The following CSPG5 variants were observed in gnomAD, a reference collection of about 807,000 sequenced individuals.
The protein encoded by CSPG5 is chondroitin sulfate proteoglycan 5.
CSPG5 carries 25 observed loss-of-function variants against 39.8 expected under a neutral mutation model. The ratio of observed to expected loss-of-function variants is 0.63; its 90% CI spans 0.46 to 0.88. The LOEUF is 0.88. CSPG5 is among the 40% of genes least tolerant of loss of function. The pLI is 0.00. For missense variants in CSPG5, 627 were observed against 702.2 expected (o/e 0.89, Z 1.21); for synonymous variants, 295 against 303.9 (o/e 0.97, Z 0.31).
chr3:47,575,521 C>T (rs181392556), intron 2 of CSPG5, among the ~76,000 whole-genome samples: 1 of 152,222 alleles, frequency 6.6e-6, no homozygotes. Context: ...CAGACAATGC[C>T]CTTAGGAAAA....
chr3:47,571,374 C>A (rs1281344249), intron 3 of CSPG5, among the ~76,000 whole-genome samples: 2 of 152,234 alleles, frequency 1.3e-5, no homozygotes, highest in African/African-American at 4.8e-5. Flanking sequence ...TGCTTCTCCA[C>A]TGCCCTGGCT....
chr3:47,564,392 C>A (rs2031210077), intron 4 of CSPG5, among the ~76,000 whole-genome samples: 1 of 152,218 alleles, frequency 6.6e-6, no homozygotes, highest in Admixed American at 6.5e-5. Context: ...ATGGAAATCA[C>A]TGCCAGCTGC....
chr3:47,564,917 A>C (rs778440718), intron 4 of CSPG5, among the ~76,000 whole-genome samples: 1 of 152,122 alleles, frequency 6.6e-6, no homozygotes, highest in African/African-American at 2.4e-5. Flanking sequence ...GAGCTGAGCT[A>C]TAAGTATCTT....
chr3:47,568,965 C>A, intron 4 of CSPG5, 187 bp downstream of exon 4: 2 of 1,089,038 alleles, frequency 1.8e-6, no homozygotes, highest in South Asian at 2.0e-5. Context: ...TTGCCCTAGG[C>A]TGACCTCCAG....
rs926357418 is a variant in CSPG5 at position 47,572,633 on chromosome 3, G to A, written c.1382+53C>T. ...TCAGTTGGAGGGGTGCAGCAGCGTC[G>A]GGGGGCCTCCCACACCCTGACCTGG... On this transcript the variant is annotated intron_variant, in intron 3 of 4. Coordinates refer to ENST00000264723, the MANE Select transcript of CSPG5 (RefSeq NM_006574.4). This position sits in a 1 kb window ranked among gnomAD's most constrained non-coding sequence, Gnocchi z 4.5. 1.4e-5 allele frequency: 21 copies of A among 1,501,788 alleles called. No homozygotes were observed. Among genetic ancestry groups the A allele is most frequent in the African/African-American group, 4.1e-5 (3 of 72,758 alleles). 93.0% of individuals were successfully genotyped at this position (1,501,788 alleles called of 1,614,324 possible). A position where few individuals can be genotyped will look rare whatever the true frequency, so the allele number is the denominator to read the frequency against.
At chr3:47,576,189 G>A (rs36033865) in intron 2 of CSPG5, among the ~76,000 whole-genome samples, 87,349 of 151,566 alleles carry the variant, frequency 0.58, 26,444 homozygotes, top group Non-Finnish European at 0.68. Context: ...TGCCCACCTC[G>A]GCCTCCCAAA....
chr3:47,569,285 GA>G, intron 3 of CSPG5, 58 bp from the exon 4 acceptor site: 1 of 1,544,214 alleles, frequency 6.5e-7, no homozygotes, highest in Non-Finnish European at 8.9e-7. Context: ...GGCAAAACAT[GA>G]CAATGTCTCA....
In CSPG5 at chr3:47,577,809, C is replaced by T; in HGVS notation, c.217G>A (p.Ala73Thr). 1 of 1,578,110 alleles carries T rather than the reference C, an allele frequency of 6.3e-7. No homozygotes were observed. The highest frequency in any genetic ancestry group is 8.5e-7 in the Non-Finnish European group (1 of 1,171,350). Reference sequence around the variant, plus strand: ...TCGCCACCGGGCGCCGTCCACGACGCCTCATCTTCCCCAGCCGCTGGTGGG... The same window carrying T: ...TCGCCACCGGGCGCCGTCCACGACGTCTCATCTTCCCCAGCCGCTGGTGGG... ...AGPPAAGEDE[A>T]SWTAPGGELA... The change falls in exon 2 of 5, where the codon GCG (alanine) becomes ACG (threonine). Residue 73 changes from alanine (A) to threonine (T), a missense_variant. Transcript: ENST00000264723. The surrounding 1 kb of genome is among the most constrained non-coding windows in gnomAD (Gnocchi z 4.7).
intron 4 of CSPG5, among the ~76,000 whole-genome samples, chr3:47,565,714 G>T (rs1015698369): frequency 6.6e-6 from 1 of 151,938 alleles, no homozygotes; most frequent in African/African-American, 2.4e-5. Flanking sequence ...AACATCAATG[G>T]AGAAATCCTA....
intron 3 of CSPG5, among the ~76,000 whole-genome samples, chr3:47,569,736 T>G (rs371479712): frequency 2.9e-4 from 42 of 145,366 alleles, no homozygotes; most frequent in African/African-American, 9.9e-4. Flanking sequence ...TTTTAAAGGC[T>G]TTTCTATTCT....
intron 2 of CSPG5, among the ~76,000 whole-genome samples, chr3:47,575,753 A>T (rs1258098380): frequency 2.0e-5 from 3 of 151,944 alleles, no homozygotes; most frequent in Admixed American, 2.0e-4. Context: ...CCTTCCAGGG[A>T]ACTGGCCCCT....
chr3:47,564,467 A>ATT (rs1246551109), intron 4 of CSPG5, among the ~76,000 whole-genome samples: 1 of 152,168 alleles, frequency 6.6e-6, no homozygotes, highest in Non-Finnish European at 1.5e-5. Flanking sequence ...AATTTAGTAG[A>ATT]GTTTCAAAGA....
rs1470873247 is a variant in CSPG5, at chr3:47,577,766, T to G, written c.260A>C (p.Glu87Ala). 1 of 1,588,166 alleles carries G rather than the reference T, an allele frequency of 6.3e-7. No homozygotes were observed. Among genetic ancestry groups the G allele is most frequent in the African/African-American group, 1.3e-5 (1 of 74,294 alleles). The change falls in exon 2 of 5, where the codon GAG (glutamate) becomes GCG (alanine). Residue 87 changes from glutamate (E) to alanine (A), a missense_variant. Transcript: ENST00000264723. This position sits in a 1 kb window ranked among gnomAD's most constrained non-coding sequence, Gnocchi z 4.7. ...CACCGCAGCCGACTCCTGCAGCACC[T>G]CTTCTGGCCCGGCCAGCTCGCCACC... ...APGGELAGPE[E>A]VLQESAAVTG...
chr3:47,576,809 T>A (rs746941341), intron 2 of CSPG5, 24 bp downstream of exon 2: 1 of 1,534,562 alleles, frequency 6.5e-7, no homozygotes, highest in South Asian at 1.3e-5. Flanking sequence ...AGTGTCCCTA[T>A]GCACCTGCCT....
At position 47,578,304 on chromosome 3, in the gene CSPG5, C is replaced by T. The variant is rs1312577985; in HGVS notation, c.97+293G>A. On this transcript the variant is annotated intron_variant, in intron 1 of 4. Coordinates refer to ENST00000264723, the MANE Select transcript of CSPG5 (RefSeq NM_006574.4). This position sits in a 1 kb window ranked among gnomAD's most constrained non-coding sequence, Gnocchi z 6.0. ...CTCCAGGTCCCGCCCCGAAGTCTCA[C>T]CCTCAGGCCCCGCCCCGGCCCCGCC... 6.6e-6 allele frequency among the ~76,000 whole-genome samples: 1 copy of T among 150,634 alleles called. No individual in the cohort carries two copies. Among genetic ancestry groups the T allele is most frequent in the Non-Finnish European group, 1.5e-5 (1 of 67,458 alleles).
At position 47,576,836 on chromosome 3, in the gene CSPG5, C is replaced by A; in HGVS notation, c.1190G>T (p.Cys397Phe). ...CYLVENIGAFCRCNTQDYIWH... is the reference protein window; with the variant it reads ...CYLVENIGAFFRCNTQDYIWH... Reference sequence around the variant, plus strand: ...CACCTGCCTGCCATGCCCTTACCTGCAGAAGGCCCCTATGTTCTCCACCAG... The same window carrying A: ...CACCTGCCTGCCATGCCCTTACCTGAAGAAGGCCCCTATGTTCTCCACCAG... Residue 397 changes from cysteine (C) to phenylalanine (F), a missense_variant, in exon 2 of 5, where the codon TGC becomes TTC. By Grantham distance (205) the Cys-to-Phe change is radical. Transcript: ENST00000264723. 6.5e-7 allele frequency: 1 copy of A among 1,549,506 alleles called. No homozygotes were observed. Among genetic ancestry groups the A allele is most frequent in the Non-Finnish European group, 8.7e-7 (1 of 1,146,364 alleles).
At position 47,577,554 on chromosome 3, in the gene CSPG5, C is replaced by T. The variant is rs761006942; in HGVS notation, c.472G>A (p.Gly158Ser). 1.4e-5 allele frequency: 21 copies of T among 1,454,636 alleles called. No individual in the cohort carries two copies. Among genetic ancestry groups the T allele is most frequent in the Admixed American group, 1.4e-4 (8 of 58,322 alleles). The allele number at this position is 1,454,636 out of a possible 1,614,324, so 90.1% of individuals were successfully genotyped here. ...TCAGAAGCTGGGCTCAGCTTGTCGC[C>T]GGGGGTGGGGGAGGGTGGCCCGCTG... Reference protein sequence around the residue: ...EASGPPSPTPGDKLSPASELP... With the variant: ...EASGPPSPTPSDKLSPASELP... The change falls in exon 2 of 5, where the codon GGC (glycine) becomes AGC (serine). Residue 158 changes from glycine to serine, a missense_variant. Gly to Ser is a moderately conservative substitution (Grantham distance 56). Coordinates refer to ENST00000264723, the MANE Select transcript of CSPG5 (RefSeq NM_006574.4). This position sits in a 1 kb window ranked among gnomAD's most constrained non-coding sequence, Gnocchi z 4.7.
Position 47,569,153 on chromosome 3 carries a change from T to G in CSPG5, c.1457A>C (p.Asn486Thr). 1 of 1,609,766 alleles carries G rather than the reference T, an allele frequency of 6.2e-7. No homozygotes were observed. The highest frequency in any genetic ancestry group is 8.5e-7 in the Non-Finnish European group (1 of 1,178,222). Residue 486 changes from asparagine to threonine, a missense_variant and splice_region_variant, in exon 4 of 5, where the codon AAT becomes ACT. Transcript: ENST00000264723. ...LSTIAEGSHPNDDPSAPHKIQ... is the reference protein window; with the variant it reads ...LSTIAEGSHPTDDPSAPHKIQ... ...GGGAGTGTTGCAAAGTTTCCTTACA[T>G]TTGGGTGAGAGCCCTCGGCAATGGT... is the stretch of plus-strand genomic sequence containing the variant.
At chr3:47,567,295 G>A (rs971155827) in intron 4 of CSPG5, among the ~76,000 whole-genome samples, 6 of 152,138 alleles carry the variant, frequency 3.9e-5, no homozygotes, top group African/African-American at 1.4e-4. Context: ...CAATGGAACT[G>A]AGAGCCCCCA....
Sources: allele counts gnomAD v4.1 joint callset (sites outside exome capture counted in the v4.1 genomes callset), GRCh38; gene constraint gnomAD v4.1.1; non-coding constraint Gnocchi (gnomAD v3.1); transcripts MANE v1.5; gene names NCBI Gene and HGNC (gene_info 2026-07-23, HGNC 2026-07-21).